GPR139: variants seen among roughly 807,000 people sequenced by gnomAD.
The protein encoded by GPR139 is probable G protein-coupled receptor 139.
In GPR139, 12 loss-of-function variants were observed where a neutral mutation model predicts 25.8. The observed-to-expected ratio is 0.47, with a 90% CI of 0.30 to 0.75. The LOEUF (loss-of-function observed/expected upper bound fraction) is 0.75, where lower values mean the gene tolerates loss of function less well. Among genes scored for constraint, GPR139 ranks in the 30% least tolerant of loss-of-function variants. The probability of loss-of-function intolerance (pLI) is 0.07; values close to 1 mark genes in which losing one functional copy is unlikely to be tolerated. For synonymous variants in GPR139, 184 were observed against 179.9 expected, an observed-to-expected ratio of 1.02 and a Z score of -0.18; for missense variants, 380 against 450.2, an observed-to-expected ratio of 0.84 and a Z score of 1.41.
intron 1 of GPR139, 53 bp from the exon 2 acceptor site, chr16:20,032,722 G>A: frequency 7.4e-7 from 1 of 1,358,386 alleles, no homozygotes; most frequent in Non-Finnish European, 1.0e-6. Context: ...GACTTCGTTG[G>A]CTCCTATGGG....
rs1248877612 is a variant in GPR139, at chr16:20,029,897, G to T, written c.*1838C>A. 6.6e-6 allele frequency among the ~76,000 whole-genome samples: 1 copy of T among 152,170 alleles called. No individual in the cohort carries two copies. Among genetic ancestry groups the T allele is most frequent in the Non-Finnish European group, 1.5e-5 (1 of 68,038 alleles). ...CAATGCTAGAGAAAAACTTAGCTGT[G>T]TTAGGTTTTGAAAGCAATGGAATAT... On this transcript the variant is annotated 3_prime_UTR_variant, in exon 2 of 2. Transcript: ENST00000570682.
intron 1 of GPR139, among the ~76,000 whole-genome samples, chr16:20,067,804 CAAAAAAAAAAA>C (rs35387821): frequency 1.5e-5 from 1 of 68,686 alleles, no homozygotes; most frequent in Non-Finnish European, 2.6e-5. Flanking sequence ...AACTCCATCT[CAAAAAAAAAAA>C]AAAAAAAAAG....
intron 1 of GPR139, among the ~76,000 whole-genome samples, chr16:20,060,336 C>G (rs1209152371): frequency 6.6e-6 from 1 of 151,324 alleles, no homozygotes; most frequent in East Asian, 1.9e-4. Flanking sequence ...GCATGTATGT[C>G]TCTGTGTGTG....
chr16:20,035,714 A>G (rs13333876), intron 1 of GPR139, among the ~76,000 whole-genome samples: 8,888 of 152,294 alleles, frequency 0.058, 337 homozygotes, highest in East Asian at 0.16. Flanking sequence ...TAAAAGGCAG[A>G]AAAGTTGGAA....
intron 1 of GPR139, among the ~76,000 whole-genome samples, chr16:20,048,519 A>G (rs956413414): frequency 3.9e-5 from 6 of 152,182 alleles, no homozygotes; most frequent in Non-Finnish European, 5.9e-5. Flanking sequence ...TGCAAACTCA[A>G]ATGATGACAG....
chr16:20,032,650 G>A lies in GPR139; in HGVS notation c.147C>T (p.Ile49=). 1 of 1,607,732 alleles carries A rather than the reference G, an allele frequency of 6.2e-7. No homozygotes were observed. The highest frequency in any genetic ancestry group is 8.5e-7 in the Non-Finnish European group (1 of 1,174,620). The change falls in exon 2 of 2, where the codon ATC becomes ATT. Residue 49 remains isoleucine, a synonymous_variant. Coordinates refer to ENST00000570682, the MANE Select transcript of GPR139 (RefSeq NM_001002911.4). ...TTCTTGCCACCAGCTGGGAGAGGAT[G>A]ATCACTGTCAAGATATTTGCTGTGG... ...LGLPANILTV[I]ILSQLVARRQ... is the part of the protein sequence containing the mutation.
intron 1 of GPR139, among the ~76,000 whole-genome samples, chr16:20,051,596 A>G (rs1011932534): frequency 6.6e-6 from 1 of 152,072 alleles, no homozygotes; most frequent in Non-Finnish European, 1.5e-5. Context: ...TGTTTTTTGT[A>G]CCTCCAGCCC....
At chr16:20,057,899 G>A (rs1306320581) in intron 1 of GPR139, among the ~76,000 whole-genome samples, 4 of 152,006 alleles carry the variant, frequency 2.6e-5, no homozygotes, top group Admixed American at 1.3e-4. Context: ...TAACTAGAGC[G>A]TGACTTCTTT....
chr16:20,050,827 T>C (rs1039709535), intron 1 of GPR139, among the ~76,000 whole-genome samples: 5 of 152,012 alleles, frequency 3.3e-5, no homozygotes, highest in African/African-American at 1.2e-4. Flanking sequence ...TTTGGGAGGC[T>C]GAGGTGGGCA....
At position 20,032,162 on chromosome 16, in the gene GPR139, C is replaced by T; in HGVS notation, c.635G>A (p.Arg212Lys). 2 of 1,614,170 alleles carry T rather than the reference C, an allele frequency of 1.2e-6. No homozygotes were observed. Among genetic ancestry groups the T allele is most frequent in the Non-Finnish European group, 1.7e-6 (2 of 1,180,034 alleles). ...GCCACGGAGACGAAAATTGCTCTTC[C>T]TCCTGAGCTTGTACACAATGATTGA... The part of the protein sequence containing the change: ...LNSIIVYKLR[R>K]KSNFRLRGYS... The change falls in exon 2 of 2, where the codon AGG (arginine) becomes AAG (lysine). Residue 212 changes from arginine (R) to lysine (K), a missense_variant. Arg to Lys is a conservative substitution (Grantham distance 26). Coordinates refer to ENST00000570682, the MANE Select transcript of GPR139 (RefSeq NM_001002911.4).
Position 20,028,812 on chromosome 16 carries a change from G to A in GPR139, c.*2923C>T, listed in dbSNP as rs1386273243. Among the ~76,000 whole-genome samples, 2 of 152,116 alleles carry A rather than the reference G, an allele frequency of 1.3e-5. No homozygotes were observed. The highest frequency in any genetic ancestry group is 2.4e-5 in the African/African-American group (1 of 41,428). ...ACACAAATCATATAGCAAGAGAGAA[G>A]CTAGTTAACTGTCTTTGAAAGAGGC... On this transcript the variant is annotated 3_prime_UTR_variant, in exon 2 of 2. Transcript: ENST00000570682.
In GPR139 at chr16:20,029,230, C is replaced by T. The variant is rs2057278400; in HGVS notation, c.*2505G>A. Among the ~76,000 whole-genome samples, 1 of 151,684 alleles carries T rather than the reference C, an allele frequency of 6.6e-6. No homozygotes were observed. Among genetic ancestry groups the T allele is most frequent in the East Asian group, 1.9e-4 (1 of 5,194 alleles). On this transcript the variant is annotated 3_prime_UTR_variant, in exon 2 of 2. Coordinates refer to ENST00000570682, the MANE Select transcript of GPR139 (RefSeq NM_001002911.4). ...TACCACGTGGTAGAGCCTCTATCATCGAGAAGTAATAAATTAAAGTGTCTG... is the reference window on the plus strand; with the variant it reads ...TACCACGTGGTAGAGCCTCTATCATTGAGAAGTAATAAATTAAAGTGTCTG...
At chr16:20,037,655 A>G (rs1272290299) in intron 1 of GPR139, among the ~76,000 whole-genome samples, 3 of 152,134 alleles carry the variant, frequency 2.0e-5, no homozygotes, top group Admixed American at 6.6e-5. Context: ...GGATTTTTAG[A>G]TAATTTGCTC....
chr16:20,064,238 T>C (rs571565306), intron 1 of GPR139, among the ~76,000 whole-genome samples: 9 of 152,262 alleles, frequency 5.9e-5, no homozygotes, highest in Admixed American at 5.9e-4. Context: ...AAAATGGGGA[T>C]GTTTGGACTC....
chr16:20,073,569 C>T lies in GPR139; in HGVS notation c.48G>A (p.Trp16Ter). The change falls in exon 1 of 2, where the codon TGG (tryptophan) becomes TGA (stop). Residue 16 changes from tryptophan (W) to a stop codon, truncating the protein, a stop_gained. Transcript: ENST00000570682. LOFTEE classifies it high-confidence loss of function. The surrounding 1 kb of genome is among the most constrained non-coding windows in gnomAD (Gnocchi z 4.7). Reference protein sequence around the residue: ...AHLAANSSLSWWSPGSACGLG... With the variant: ...AHLAANSSLS ...AGCCGCAGGCCGAGCCGGGGGACCA[C>T]CAAGACAGCGAGCTGTTGGCTGCGA... 1 of 1,612,160 alleles carries T rather than the reference C, an allele frequency of 6.2e-7. No homozygotes were observed. Among genetic ancestry groups the T allele is most frequent in the Middle Eastern group, 1.7e-4 (1 of 6,028 alleles).
At position 20,073,838 on chromosome 16, in the gene GPR139, G is replaced by A; in HGVS notation, c.-222C>T. On this transcript the variant is annotated 5_prime_UTR_variant, in exon 1 of 2. Transcript: ENST00000570682. This position sits in a 1 kb window ranked among gnomAD's most constrained non-coding sequence, Gnocchi z 4.7. Reference sequence around the variant, plus strand: ...CCCTCCCGCAGGGCGCGGGGCGCAGGGTGCGGGGCGCGCTGCGCGGGGCCT... The same window carrying A: ...CCCTCCCGCAGGGCGCGGGGCGCAGAGTGCGGGGCGCGCTGCGCGGGGCCT... 1 of 526,626 alleles carries A rather than the reference G, an allele frequency of 1.9e-6. No individual in the cohort carries two copies. The highest frequency in any genetic ancestry group is 3.1e-6 in the Non-Finnish European group (1 of 320,912). The allele number at this position is 526,626 out of a possible 1,614,324, so 32.6% of individuals were successfully genotyped here.
chr16:20,052,216 C>T (rs2141209103), intron 1 of GPR139, among the ~76,000 whole-genome samples: 1 of 152,340 alleles, frequency 6.6e-6, no homozygotes, highest in East Asian at 1.9e-4. Flanking sequence ...CATTTATGAA[C>T]CAGCTTGTCC....
intron 1 of GPR139, among the ~76,000 whole-genome samples, chr16:20,044,435 T>C (rs1327339027): frequency 1.3e-5 from 2 of 152,110 alleles, no homozygotes; most frequent in Admixed American, 1.3e-4. Context: ...ATCTGTAAAA[T>C]GAGTGAGTTC....
Position 20,032,080 on chromosome 16 carries a change from T to C in GPR139, c.717A>G (p.Thr239=). 6.2e-7 allele frequency: 1 copy of C among 1,614,066 alleles called. No individual in the cohort carries two copies. The highest frequency in any genetic ancestry group is 8.5e-7 in the Non-Finnish European group (1 of 1,179,994). The change falls in exon 2 of 2, where the codon ACA becomes ACG. Residue 239 remains threonine (T), a synonymous_variant. Coordinates refer to ENST00000570682, the MANE Select transcript of GPR139 (RefSeq NM_001002911.4). ...ILFTITSIFA[T]LWAPRIIMIL... ...TCATGATGATGCGGGGGGCCCAAAGTGTGGCAAAGATGGAGGTAATGGTGA... is the reference window on the plus strand; with the variant it reads ...TCATGATGATGCGGGGGGCCCAAAGCGTGGCAAAGATGGAGGTAATGGTGA...
Sources: allele counts gnomAD v4.1 joint callset (sites outside exome capture counted in the v4.1 genomes callset), GRCh38; gene constraint gnomAD v4.1.1; non-coding constraint Gnocchi (gnomAD v3.1); transcripts MANE v1.5; gene names NCBI Gene and HGNC (gene_info 2026-07-23, HGNC 2026-07-21).